The following NPL variants were observed in gnomAD, a reference collection of about 807,000 sequenced individuals.
NPL encodes N-acetylneuraminate pyruvate lyase, also known as N-acetylneuraminate lyase.
NPL carries 32 observed loss-of-function variants against 41.1 expected under a neutral mutation model. The ratio of observed to expected loss-of-function variants is 0.78; its 90% CI spans 0.59 to 1.05. NPL has a LOEUF of 1.05. NPL is among the 50% of genes least tolerant of loss of function. NPL has a pLI of 0.00. For missense variants in NPL, 321 were observed against 378.4 expected (o/e 0.85, Z 1.26); for synonymous variants, 128 against 134.9 (o/e 0.95, Z 0.35).
chr1:182,809,155 AGT>A (rs1281482008), intron 5 of NPL: 1 of 407,574 alleles, frequency 2.5e-6, no homozygotes, highest in South Asian at 1.8e-5. Context: ...TAAGTCAGGG[AGT>A]GTAATGATGC....
chr1:182,816,766 A>T lies in NPL; in HGVS notation c.417A>T (p.Pro139=). 1.2e-6 allele frequency: 2 copies of T among 1,613,772 alleles called. No homozygotes were observed. The highest frequency in any genetic ancestry group is 1.7e-6 in the Non-Finnish European group (2 of 1,179,830). Residue 139 remains proline (P), a synonymous_variant, in exon 8 of 13, where the codon CCA becomes CCT. Transcript: ENST00000367553. ...TGGCTGCTGCCGCCCCTGCCCTGCC[A>T]TTTTATTACTATCACATTCCTGCCT... ...KEVAAAAPAL[P]FYYYHIPALT... is the part of the protein sequence containing the mutation.
chr1:182,821,262 G>T (rs577872081), intron 10 of NPL, among the ~76,000 whole-genome samples: 1 of 152,316 alleles, frequency 6.6e-6, no homozygotes, highest in African/African-American at 2.4e-5. Flanking sequence ...GAAGCCATTT[G>T]AATTTAAAGA....
intron 8 of NPL, among the ~76,000 whole-genome samples, 161 bp from the exon 9 acceptor site, chr1:182,818,380 G>A (rs1486909511): frequency 2.0e-5 from 3 of 152,220 alleles, no homozygotes; most frequent in Non-Finnish European, 4.4e-5. Flanking sequence ...AATTGGACAA[G>A]CACATAGGAG....
At chr1:182,810,437 A>G (rs761405707) in intron 5 of NPL, among the ~76,000 whole-genome samples, 7 of 152,194 alleles carry the variant, frequency 4.6e-5, no homozygotes, top group Non-Finnish European at 8.8e-5. Flanking sequence ...TTTCTCTCCA[A>G]CCAAAAATAT....
intron 9 of NPL, 58 bp downstream of exon 9, chr1:182,818,747 G>T (rs1182170584): frequency 6.2e-7 from 1 of 1,613,688 alleles, no homozygotes; most frequent in Non-Finnish European, 8.5e-7. Context: ...AATTTGTGTA[G>T]CTATATAGTA....
chr1:182,790,784 C>T (rs945142889), intron 1 of NPL, among the ~76,000 whole-genome samples: 1 of 152,214 alleles, frequency 6.6e-6, no homozygotes, highest in African/African-American at 2.4e-5. Context: ...GCTGGGACTA[C>T]AGGCTCCCGC....
rs115894873 is a variant in NPL at position 182,794,332 on chromosome 1, G to T, written c.-16-24G>T. On this transcript the variant is annotated intron_variant, in intron 2 of 12. Coordinates refer to ENST00000367553, the MANE Select transcript of NPL (RefSeq NM_030769.3). ...CATTGACATTCCTTGAAGAAAGAGA[G>T]AAATTACATTGTATGTTTTCCAGAC... The T allele has an allele frequency of 2.5e-3, 3,904 of 1,591,034 alleles. 64 individuals carry two copies. The African/African-American group carries it at 0.042, about 17-fold the overall frequency.
Position 182,829,573 on chromosome 1 carries a change from G to T in NPL, c.*665G>T. On this transcript the variant is annotated 3_prime_UTR_variant, in exon 13 of 13. Coordinates refer to ENST00000367553, the MANE Select transcript of NPL (RefSeq NM_030769.3). ...AAAGGAAAAAGTCTTCCCCAAAGATGAATTTAAGTCTCCACTTTTTTCTAT... is the reference window on the plus strand; with the variant it reads ...AAAGGAAAAAGTCTTCCCCAAAGATTAATTTAAGTCTCCACTTTTTTCTAT... 6.5e-7 allele frequency: 1 copy of T among 1,538,908 alleles called. No homozygotes were observed. The highest frequency in any genetic ancestry group is 1.2e-5 in the South Asian group (1 of 83,546).
At chr1:182,809,127 A>G in intron 5 of NPL, 3 of 345,400 alleles carry the variant, frequency 8.7e-6, no homozygotes, top group Middle Eastern at 3.9e-4. Context: ...ATTGGGTTTT[A>G]AAGACATAAC....
At chr1:182,807,902 A>C (rs1469937064) in intron 5 of NPL, among the ~76,000 whole-genome samples, 1 of 151,074 alleles carries the variant, frequency 6.6e-6, no homozygotes, top group African/African-American at 2.4e-5. Flanking sequence ...AAAAAAAAAA[A>C]AAAAAAAGAA....
intron 5 of NPL, among the ~76,000 whole-genome samples, chr1:182,807,431 A>C (rs989081797): frequency 6.6e-6 from 1 of 152,134 alleles, no homozygotes; most frequent in Non-Finnish European, 1.5e-5. Flanking sequence ...CAGCTCCAGT[A>C]CTCTGAAATT....
chr1:182,801,274 C>G (rs781155128), intron 3 of NPL, among the ~76,000 whole-genome samples: 95 of 152,122 alleles, frequency 6.2e-4, no homozygotes, highest in Non-Finnish European at 1.3e-3. Flanking sequence ...GAAGCAGCAA[C>G]CTACTTTCTC....
chr1:182,822,371 G>A (rs1667512963), intron 11 of NPL, among the ~76,000 whole-genome samples, 172 bp downstream of exon 11: 2 of 152,066 alleles, frequency 1.3e-5, no homozygotes, highest in Non-Finnish European at 2.9e-5. Context: ...TGTCCCCATT[G>A]TCTGTGTTCC....
In NPL at chr1:182,828,926, A is replaced by G. The variant is rs1463896161; in HGVS notation, c.*18A>G. The G allele has an allele frequency of 1.2e-6, 2 of 1,613,912 alleles. No homozygotes were observed. The highest frequency in any genetic ancestry group is 2.7e-5 in the African/African-American group (2 of 74,950). On this transcript the variant is annotated 3_prime_UTR_variant, in exon 13 of 13. Transcript: ENST00000367553. The surrounding 1 kb of genome is among the most constrained non-coding windows in gnomAD (Gnocchi z 4.0). ...GTAGCTAGTGCCTCTCTATCAAATC[A>G]GGGTTTGCACCTTGAGACATAATCT... is the stretch of plus-strand genomic sequence containing the variant.
intron 5 of NPL, among the ~76,000 whole-genome samples, chr1:182,807,972 A>G (rs1571438601): frequency 7.7e-6 from 1 of 130,264 alleles, no homozygotes; most frequent in South Asian, 2.8e-4. Context: ...AGAGGGTAGG[A>G]GGCCAGTTGG....
Position 182,818,694 on chromosome 1 carries a change from G to A in NPL, c.606+5G>A. Reference sequence around the variant, plus strand: ...TTCCTTTTTGGGGTGGATGAGGTAAGTCACCCCCTAGCATGTTGCAGCAGG... The same window carrying A: ...TTCCTTTTTGGGGTGGATGAGGTAAATCACCCCCTAGCATGTTGCAGCAGG... On this transcript the variant is annotated splice_donor_5th_base_variant and intron_variant, in intron 9 of 12. Transcript: ENST00000367553. The A allele has an allele frequency of 6.2e-7, 1 of 1,614,140 alleles. No individual in the cohort carries two copies. Among genetic ancestry groups the A allele is most frequent in the Non-Finnish European group, 8.5e-7 (1 of 1,180,016 alleles).
chr1:182,807,825 A>T (rs1667064373), intron 5 of NPL, among the ~76,000 whole-genome samples: 1 of 146,402 alleles, frequency 6.8e-6, no homozygotes, highest in African/African-American at 2.5e-5. Context: ...TGGGAGGTGG[A>T]GCTTGCAATG....
rs188601020 is a variant in NPL at position 182,803,695 on chromosome 1, T to G, written c.69-3T>G. 3.6e-4 allele frequency: 574 copies of G among 1,603,982 alleles called. No homozygotes were observed. Among genetic ancestry groups the G allele is most frequent in the Admixed American group, 2.6e-3 (154 of 60,006 alleles). Reference sequence around the variant, plus strand: ...TATGCCTTTTTTTCCACATGTCTTCTAGAGAAATCAACTTTTCAGTAATTG... The same window carrying G: ...TATGCCTTTTTTTCCACATGTCTTCGAGAGAAATCAACTTTTCAGTAATTG... On this transcript the variant is annotated splice_polypyrimidine_tract_variant and splice_region_variant and intron_variant, in intron 3 of 12. Transcript: ENST00000367553.
At chr1:182,825,988 T>G (rs1350241509) in intron 12 of NPL, 168 bp downstream of exon 12, 11 of 687,196 alleles carry the variant, frequency 1.6e-5, no homozygotes, top group Non-Finnish European at 2.9e-5. Flanking sequence ...AACTGTGAAG[T>G]AAACCTAGTT....
Sources: gnomAD v4.1 joint callset for allele counts (sites outside exome capture counted in the v4.1 genomes callset) on GRCh38, gnomAD v4.1.1 for gene constraint, Gnocchi (gnomAD v3.1) non-coding constraint, MANE v1.5 for transcripts, NCBI Gene and HGNC (gene_info 2026-07-23, HGNC 2026-07-21) for gene names.